The following ENTREP2 variants were observed in gnomAD, a reference collection of about 807,000 sequenced individuals.
The protein encoded by ENTREP2 is endosomal transmembrane epsin interactor 2, also known as protein ENTREP2.
chr15:29,459,758 CTA>C, the ENTREP2 span, among the ~76,000 whole-genome samples: 1 of 152,122 alleles, frequency 6.6e-6, no homozygotes, highest in Non-Finnish European at 1.5e-5. Context: ...TTCTCACACT[CTA>C]TGTGGGGAAT....
At chr15:29,240,964 C>T in the ENTREP2 span, among the ~76,000 whole-genome samples, 2 of 152,154 alleles carry the variant, frequency 1.3e-5, no homozygotes, top group African/African-American at 4.8e-5. Flanking sequence ...TATCAAAGAG[C>T]ACATTTTAAG....
chr15:29,500,075 AC>A, the ENTREP2 span, among the ~76,000 whole-genome samples: 2 of 152,168 alleles, frequency 1.3e-5, no homozygotes, highest in Non-Finnish European at 2.9e-5. Flanking sequence ...TACCACACCT[AC>A]CAACAGAGTC....
the ENTREP2 span, among the ~76,000 whole-genome samples, chr15:29,128,021 T>C: frequency 1.3e-5 from 2 of 152,232 alleles, no homozygotes; most frequent in African/African-American, 4.8e-5. Context: ...CTCAGAAAGA[T>C]GGCTCCTTCC....
chr15:29,370,353 C>T, the ENTREP2 span, among the ~76,000 whole-genome samples: 3 of 151,914 alleles, frequency 2.0e-5, no homozygotes, highest in Admixed American at 6.6e-5. Flanking sequence ...ATCTTTAAGA[C>T]AAAAATTGTT....
At chr15:29,361,718 G>A in the ENTREP2 span, among the ~76,000 whole-genome samples, 1 of 152,270 alleles carries the variant, frequency 6.6e-6, no homozygotes, top group Non-Finnish European at 1.5e-5. Context: ...ACGGTGTGCT[G>A]ATGGTGTCCT....
At chr15:29,643,675 G>A in the ENTREP2 span, among the ~76,000 whole-genome samples, 1 of 151,906 alleles carries the variant, frequency 6.6e-6, no homozygotes, top group Non-Finnish European at 1.5e-5. Context: ...CAGCTACTCT[G>A]GAGGCTGAGG....
At chr15:29,380,581 T>A in the ENTREP2 span, among the ~76,000 whole-genome samples, 2 of 152,100 alleles carry the variant, frequency 1.3e-5, no homozygotes, top group Admixed American at 6.5e-5. Flanking sequence ...TACAAATCAA[T>A]AGACACAAAT....
the ENTREP2 span, among the ~76,000 whole-genome samples, chr15:29,283,801 C>A: frequency 0.021 from 3,244 of 152,164 alleles, 81 homozygotes; most frequent in African/African-American, 0.058. Context: ...GCTGCCAGAA[C>A]AGAAAAATGC....
the ENTREP2 span, among the ~76,000 whole-genome samples, chr15:29,571,076 G>T: frequency 6.7e-6 from 1 of 149,640 alleles, no homozygotes; most frequent in Non-Finnish European, 1.5e-5. Context: ...CCCCGGGCGC[G>T]AGCCCCGCCG....
the ENTREP2 span, among the ~76,000 whole-genome samples, chr15:29,674,290 GAC>G: frequency 3.9e-5 from 6 of 151,998 alleles, no homozygotes; most frequent in African/African-American, 1.2e-4. Context: ...TTTGTTTTCA[GAC>G]ACAGTCTCAT....
chr15:29,199,993 T>G, the ENTREP2 span, among the ~76,000 whole-genome samples: 1 of 152,248 alleles, frequency 6.6e-6, no homozygotes, highest in Non-Finnish European at 1.5e-5. Context: ...TTTGCTTAAT[T>G]CCTTTTGACT....
chr15:29,202,949 T>C, the ENTREP2 span, among the ~76,000 whole-genome samples: 1 of 152,218 alleles, frequency 6.6e-6, no homozygotes, highest in Non-Finnish European at 1.5e-5. Context: ...TAAACATACA[T>C]GTGCATGTGT....
At chr15:29,295,921 G>T in the ENTREP2 span, among the ~76,000 whole-genome samples, 4 of 152,194 alleles carry the variant, frequency 2.6e-5, no homozygotes, top group Non-Finnish European at 4.4e-5. Flanking sequence ...AGAAACTGTG[G>T]AAAGTGAAAC....
chr15:29,649,073 C>G, the ENTREP2 span, among the ~76,000 whole-genome samples: 2 of 151,920 alleles, frequency 1.3e-5, no homozygotes, highest in Non-Finnish European at 2.9e-5. Context: ...CACACACACA[C>G]ACACACACAC....
the ENTREP2 span, among the ~76,000 whole-genome samples, chr15:29,136,038 T>C: frequency 2.0e-5 from 3 of 152,190 alleles, no homozygotes; most frequent in African/African-American, 4.8e-5. Context: ...CTGTGACTCG[T>C]GGCTGCAGAA....
chr15:29,206,977 A>C, the ENTREP2 span, among the ~76,000 whole-genome samples: 36 of 152,170 alleles, frequency 2.4e-4, 1 homozygote, highest in South Asian at 6.2e-4. Flanking sequence ...TCTCCCCGGC[A>C]TAAACTCAGG....
chr15:29,227,283 A>C, the ENTREP2 span, among the ~76,000 whole-genome samples: 2 of 152,340 alleles, frequency 1.3e-5, no homozygotes, highest in South Asian at 4.1e-4. Context: ...CAGAACCCTC[A>C]TGGCTCTGCC....
chr15:29,159,679 C>G, the ENTREP2 span, among the ~76,000 whole-genome samples: 1 of 132,684 alleles, frequency 7.5e-6, no homozygotes, highest in African/African-American at 2.7e-5. Context: ...CTCTCCAAGT[C>G]CCCACCAGAG....
At chr15:29,393,548 G>T in the ENTREP2 span, among the ~76,000 whole-genome samples, 1 of 152,098 alleles carries the variant, frequency 6.6e-6, no homozygotes, top group Non-Finnish European at 1.5e-5. Context: ...TTGGGAGTAG[G>T]GCAGTGGACC....
Sources: allele counts gnomAD v4.1 joint callset (sites outside exome capture counted in the v4.1 genomes callset), GRCh38; gene constraint gnomAD v4.1.1; transcripts MANE v1.5; gene names NCBI Gene and HGNC (gene_info 2026-07-23, HGNC 2026-07-21).